CHRM3: variants seen among roughly 807,000 people sequenced by gnomAD.
CHRM3 encodes muscarinic acetylcholine receptor M3.
A neutral mutation model predicts 41.8 loss-of-function variants in CHRM3; 11 were observed. The ratio of observed to expected loss-of-function variants is 0.26; its 90% confidence interval spans 0.17 to 0.44. The LOEUF (loss-of-function observed/expected upper bound fraction) is 0.44. Among genes scored for constraint, CHRM3 ranks in the 20% least tolerant of loss-of-function variants. The pLI is 1.00. For missense variants in CHRM3, 571 were observed against 745.4 expected, an observed-to-expected ratio of 0.77 and a Z score of 2.72; for synonymous variants, 297 against 301.4, an observed-to-expected ratio of 0.99 and a Z score of 0.15.
At chr1:239,662,167 A>T (rs1057334549) in intron 4 of CHRM3, among the ~76,000 whole-genome samples, 7 of 147,410 alleles carry the variant, frequency 4.7e-5, no homozygotes, top group Non-Finnish European at 7.6e-5. Context: ...ATAAGAGGTT[A>T]AAAAAAAGTT....
intron 2 of CHRM3, among the ~76,000 whole-genome samples, chr1:239,533,524 T>G: frequency 6.6e-6 from 1 of 150,514 alleles, no homozygotes. Context: ...TCATCTAAGG[T>G]CAGGAGTTTG....
chr1:239,432,041 G>T (rs534500806), intron 1 of CHRM3, among the ~76,000 whole-genome samples: 1 of 151,972 alleles, frequency 6.6e-6, no homozygotes, highest in Non-Finnish European at 1.5e-5. Context: ...TTCTCATCCC[G>T]GAAGGATGTG....
intron 2 of CHRM3, among the ~76,000 whole-genome samples, chr1:239,515,365 TTAA>T (rs1159160937): frequency 6.6e-6 from 1 of 151,654 alleles, no homozygotes; most frequent in African/African-American, 2.4e-5. Context: ...CTGTGTAACC[TTAA>T]TAAGGCATCT....
At chr1:239,470,691 A>C (rs1175539226) in intron 1 of CHRM3, among the ~76,000 whole-genome samples, 1 of 152,218 alleles carries the variant, frequency 6.6e-6, no homozygotes, top group African/African-American at 2.4e-5. Context: ...TACTGGCCAC[A>C]TCTGTCTAGC....
At chr1:239,508,040 C>T (rs1025775469) in intron 2 of CHRM3, among the ~76,000 whole-genome samples, 13 of 152,076 alleles carry the variant, frequency 8.5e-5, no homozygotes, top group South Asian at 2.1e-4. Context: ...ACTGGGAAGA[C>T]GGAGGAAGAG....
chr1:239,618,598 A>G (rs903796330), intron 3 of CHRM3, among the ~76,000 whole-genome samples: 1 of 151,826 alleles, frequency 6.6e-6, no homozygotes, highest in Non-Finnish European at 1.5e-5. Context: ...TAATCCCAGC[A>G]CTTTGGGAGG....
At chr1:239,512,410 A>G (rs1668983059) in intron 2 of CHRM3, among the ~76,000 whole-genome samples, 1 of 152,158 alleles carries the variant, frequency 6.6e-6, no homozygotes, top group African/African-American at 2.4e-5. Context: ...AGGTGGCTAC[A>G]AGTAGGGCCT....
chr1:239,491,070 A>G (rs892252453), intron 1 of CHRM3, among the ~76,000 whole-genome samples: 2 of 152,070 alleles, frequency 1.3e-5, no homozygotes, highest in Admixed American at 1.3e-4. Flanking sequence ...CACACATCAT[A>G]ATTATACATA....
At chr1:239,483,653 A>G (rs1175347301) in intron 1 of CHRM3, among the ~76,000 whole-genome samples, 5 of 152,292 alleles carry the variant, frequency 3.3e-5, no homozygotes, top group Non-Finnish European at 5.9e-5. Flanking sequence ...GCTGCCACCT[A>G]CGTAGCTAGA....
intron 1 of CHRM3, among the ~76,000 whole-genome samples, chr1:239,448,594 T>C (rs1026438602): frequency 5.3e-5 from 8 of 152,190 alleles, no homozygotes; most frequent in African/African-American, 1.9e-4. Flanking sequence ...TTATCTCATA[T>C]GAGAAAAGGT....
chr1:239,643,255 G>C (rs28809572), intron 4 of CHRM3, among the ~76,000 whole-genome samples: 40,335 of 152,100 alleles, frequency 0.27, 6,139 homozygotes, highest in East Asian at 0.65. Context: ...CCCATTCTCA[G>C]ATCTCCAGCT....
chr1:239,420,665 T>C (rs1277410454), intron 1 of CHRM3, among the ~76,000 whole-genome samples: 1 of 152,214 alleles, frequency 6.6e-6, no homozygotes, highest in African/African-American at 2.4e-5. Flanking sequence ...CTCTATCTTT[T>C]ATGATAGATA....
rs1558195765 is a variant in CHRM3, at chr1:239,404,413, A to AAGAAG, written c.-521+17186_-521+17187insAGAAG. Among the ~76,000 whole-genome samples the AAGAAG allele has an allele frequency of 5.3e-4, 26 of 48,632 alleles. 1 individual carries two copies. The highest frequency in any genetic ancestry group is 2.0e-3 in the African/African-American group (26 of 12,746). 31.9% of individuals were successfully genotyped at this position (48,632 alleles called of 152,430 possible). A position where few individuals can be genotyped will look rare whatever the true frequency, so the allele number is the denominator to read the frequency against. On this transcript the variant is annotated intron_variant, in intron 1 of 6. Coordinates refer to ENST00000676153, the MANE Select transcript of CHRM3 (RefSeq NM_001375978.1). Reference sequence around the variant, plus strand: ...GAAAGAAAGAAAGAAAGAAAGAAAAAGAAAGAAAGAAAGAAAGAAAGAAAG... The same window carrying AAGAAG: ...GAAAGAAAGAAAGAAAGAAAGAAAAAAGAAGGAAAGAAAGAAAGAAAGAAAGAAAG...
chr1:239,684,739 AG>A, intron 5 of CHRM3, among the ~76,000 whole-genome samples: 1 of 124,008 alleles, frequency 8.1e-6, no homozygotes, highest in Non-Finnish European at 1.6e-5. Flanking sequence ...AAGGAAAGAG[AG>A]AAAGAAAGAG....
intron 3 of CHRM3, among the ~76,000 whole-genome samples, chr1:239,564,542 A>C (rs1355337063): frequency 6.6e-6 from 1 of 152,200 alleles, no homozygotes; most frequent in Non-Finnish European, 1.5e-5. Context: ...TTCTGGGTAC[A>C]GAGAAACTAA....
At chr1:239,821,038 ATGATTTAT>A in intron 5 of CHRM3, among the ~76,000 whole-genome samples, 1 of 152,320 alleles carries the variant, frequency 6.6e-6, no homozygotes, top group African/African-American at 2.4e-5. Flanking sequence ...ATAATCTTGC[ATGATTTAT>A]GTGGGTTTAT....
At chr1:239,790,938 A>G (rs1044962217) in intron 5 of CHRM3, among the ~76,000 whole-genome samples, 1 of 152,118 alleles carries the variant, frequency 6.6e-6, no homozygotes, top group Non-Finnish European at 1.5e-5. Flanking sequence ...ATGAAAAAGC[A>G]TGATAAAATT....
chr1:239,902,803 G>A (rs920138092), intron 6 of CHRM3, among the ~76,000 whole-genome samples: 19 of 152,142 alleles, frequency 1.2e-4, no homozygotes, highest in Non-Finnish European at 2.6e-4. Flanking sequence ...TCCTTTGGAT[G>A]TTGTATCACA....
At chr1:239,439,738 G>T (rs1663558837) in intron 1 of CHRM3, among the ~76,000 whole-genome samples, 1 of 152,136 alleles carries the variant, frequency 6.6e-6, no homozygotes, top group Admixed American at 6.5e-5. Context: ...TATGCCTGGG[G>T]TCTTTGTACC....
Sources: allele counts gnomAD v4.1 joint callset (sites outside exome capture counted in the v4.1 genomes callset), GRCh38; gene constraint gnomAD v4.1.1; transcripts MANE v1.5; gene names NCBI Gene and HGNC (gene_info 2026-07-23, HGNC 2026-07-21).